LIG1: variants seen among roughly 807,000 people sequenced by gnomAD.
The protein encoded by LIG1 is ligase I, DNA, ATP-dependent.
A neutral mutation model predicts 115.7 loss-of-function variants in LIG1; 70 were observed. The observed-to-expected ratio is 0.60, with a 90% CI of 0.50 to 0.74. The LOEUF (loss-of-function observed/expected upper bound fraction) is 0.74, where lower values mean the gene tolerates loss of function less well. LIG1 is among the 30% of genes least tolerant of loss of function. LIG1 has a pLI of 0.00. For missense variants in LIG1, 1,115 were observed against 1,225.6 expected, an observed-to-expected ratio of 0.91 and a Z score of 1.35; for synonymous variants, 487 against 495.3, an observed-to-expected ratio of 0.98 and a Z score of 0.22.
At chr19:48,169,744 T>G (rs2036676454) in intron 1 of LIG1, 1 of 131,970 alleles carries the variant, frequency 7.6e-6, no homozygotes. Flanking sequence ...CACTTCCGGT[T>G]CCCAGCCAGC....
intron 4 of LIG1, chr19:48,161,039 G>C (rs1024330152): frequency 3.2e-5 from 12 of 378,640 alleles, no homozygotes; most frequent in African/African-American, 1.0e-4. Flanking sequence ...GCTGGGCCTT[G>C]AGCCCTTGTT....
Position 48,136,044 on chromosome 19 carries a change from G to A in LIG1, c.1413C>T (p.Pro471=), listed in dbSNP as rs1416982636. ...GCCACAGGAGCTCACCTTGGCCCGGGGGCGTGAGGCTCACTGCCTGGGAGA... is the reference window on the plus strand; with the variant it reads ...GCCACAGGAGCTCACCTTGGCCCGGAGGCGTGAGGCTCACTGCCTGGGAGA... ...AALSQAVSLT[P]PGQEFPPAMV... The change falls in exon 15 of 28, where the codon CCC becomes CCT. Residue 471 remains proline, a synonymous_variant. Coordinates refer to ENST00000263274, the MANE Select transcript of LIG1 (RefSeq NM_000234.3). 4 of 1,565,148 alleles carry A rather than the reference G, an allele frequency of 2.6e-6. No individual in the cohort carries two copies. In the African/African-American group the frequency reaches 4.1e-5, roughly 16 times the overall value.
chr19:48,124,329 G>A (rs1599748995), intron 21 of LIG1, among the ~76,000 whole-genome samples: 1 of 152,324 alleles, frequency 6.6e-6, no homozygotes, highest in Non-Finnish European at 1.5e-5. Context: ...ACCATTTCAG[G>A]TTTACATCCC....
intron 1 of LIG1, 55 bp from the exon 2 acceptor site, chr19:48,165,678 C>T (rs2036440604): frequency 4.0e-6 from 5 of 1,246,420 alleles, no homozygotes; most frequent in Non-Finnish European, 5.9e-6. Flanking sequence ...GAGATCTAAA[C>T]ACACATAAAA....
chr19:48,161,464 A>C lies in LIG1; in HGVS notation c.151T>G (p.Ser51Ala). Residue 51 changes from serine to alanine, a missense_variant, in exon 4 of 28, where the codon TCT becomes GCT. Physicochemically the swap from Ser to Ala is moderately conservative, Grantham distance 99. Coordinates refer to ENST00000263274, the MANE Select transcript of LIG1 (RefSeq NM_000234.3). ...TTCCTCCCTGGCCTCTTCACCGGAG[A>C]GTCACTCTCGGACACCACTCCATTC... ...EWNGVVSESD[S>A]PVKRPGRKAA... is the part of the protein sequence containing the mutation. 2 of 1,614,022 alleles carry C rather than the reference A, an allele frequency of 1.2e-6. No homozygotes were observed. The highest frequency in any genetic ancestry group is 1.7e-6 in the Non-Finnish European group (2 of 1,180,014).
intron 10 of LIG1, 120 bp downstream of exon 10, chr19:48,143,763 T>C (rs1175927384): frequency 5.5e-6 from 6 of 1,095,568 alleles, no homozygotes; most frequent in Non-Finnish European, 5.6e-6. Flanking sequence ...ATGCTGCTGA[T>C]TGTCGCCAAA....
chr19:48,151,233 G>A lies in LIG1; in HGVS notation c.573C>T (p.Ser191=). ...CGGAGGAGAGGACCAGAAACTCACT[G>A]GAGGTCTTTAGGGGCTTGGGAGGCG... ...PTTPPKPLKT[S]KAETPTESVS... The change falls in exon 7 of 28, where the codon TCC becomes TCT. Residue 191 remains serine (S), a splice_region_variant and synonymous_variant. Coordinates refer to ENST00000263274, the MANE Select transcript of LIG1 (RefSeq NM_000234.3). 1 of 1,607,032 alleles carries A rather than the reference G, an allele frequency of 6.2e-7. No homozygotes were observed. The highest frequency in any genetic ancestry group is 8.5e-7 in the Non-Finnish European group (1 of 1,173,632).
At chr19:48,146,919 C>T (rs1383379394) in intron 9 of LIG1, among the ~76,000 whole-genome samples, 5 of 152,316 alleles carry the variant, frequency 3.3e-5, no homozygotes, top group Admixed American at 2.6e-4. Context: ...CCGACCTAAC[C>T]TCTCTGGGCT....
intron 21 of LIG1, among the ~76,000 whole-genome samples, chr19:48,125,928 C>T (rs966452851): frequency 6.9e-6 from 1 of 143,948 alleles, no homozygotes; most frequent in Admixed American, 7.3e-5. Context: ...GCGGAGGTTG[C>T]AGTGAGCTGA....
intron 9 of LIG1, among the ~76,000 whole-genome samples, chr19:48,147,916 C>A (rs1599829499): frequency 6.6e-6 from 1 of 152,100 alleles, no homozygotes; most frequent in South Asian, 2.1e-4. Flanking sequence ...GGGAGCTAGG[C>A]AAGAAGACTA....
chr19:48,132,875 G>T, intron 18 of LIG1, 107 bp downstream of exon 18: 1 of 807,490 alleles, frequency 1.2e-6, no homozygotes, highest in South Asian at 1.3e-5. Context: ...GCGAGGGCTC[G>T]GCAGTCTGTG....
Position 48,122,876 on chromosome 19 carries a change from G to T in LIG1, c.2232+58C>A, listed in dbSNP as rs1406878254. 2.5e-5 allele frequency: 38 copies of T among 1,500,640 alleles called. No individual in the cohort carries two copies. The highest frequency in any genetic ancestry group is 2.6e-5 in the Non-Finnish European group (28 of 1,076,778). The allele number at this position is 1,500,640 out of a possible 1,614,324, so 93.0% of individuals were successfully genotyped here. ...GTGGAGGCTCGAAATCCACTGCCTA[G>T]CTGGGACAGACCTCCAGACCCGGGG... On this transcript the variant is annotated intron_variant, in intron 23 of 27. Coordinates refer to ENST00000263274, the MANE Select transcript of LIG1 (RefSeq NM_000234.3). The surrounding 1 kb of genome is among the most constrained non-coding windows in gnomAD (Gnocchi z 4.3).
At chr19:48,120,951 A>G (rs759501420) in intron 24 of LIG1, 18 of 1,419,816 alleles carry the variant, frequency 1.3e-5, no homozygotes, top group Non-Finnish European at 1.6e-5. Flanking sequence ...TCAATCTCTC[A>G]CTGACACACA....
Position 48,137,395 on chromosome 19 carries a change from C to T in LIG1, c.1254+127G>A. ...TGGGTGCAGGAAGGAGGAGAGGAAG[C>T]TGTGCACCCCATGAGAAGGACTGAT... On this transcript the variant is annotated intron_variant, in intron 13 of 27. Coordinates refer to ENST00000263274, the MANE Select transcript of LIG1 (RefSeq NM_000234.3). This position sits in a 1 kb window ranked among gnomAD's most constrained non-coding sequence, Gnocchi z 4.3. 1 of 1,211,394 alleles carries T rather than the reference C, an allele frequency of 8.3e-7. No individual in the cohort carries two copies. The highest frequency in any genetic ancestry group is 1.2e-6 in the Non-Finnish European group (1 of 855,496). The allele number at this position is 1,211,394 out of a possible 1,614,324, so 75.0% of individuals were successfully genotyped here.
chr19:48,158,052 A>G (rs1481998344), intron 4 of LIG1, among the ~76,000 whole-genome samples: 2 of 152,032 alleles, frequency 1.3e-5, no homozygotes, highest in Admixed American at 1.3e-4. Context: ...CTCTCTTGCC[A>G]TGTGACACAC....
At chr19:48,167,634 G>A (rs2123099909) in intron 1 of LIG1, among the ~76,000 whole-genome samples, 1 of 152,102 alleles carries the variant, frequency 6.6e-6, no homozygotes, top group Admixed American at 6.6e-5. Context: ...AGACCAGCCT[G>A]GCCCGCATGG....
rs187707579 is a variant in LIG1 at position 48,169,163 on chromosome 19, T to C, written c.-58+1078A>G. ...CATAACAATCTCCGAATGACAAAACTAGAGATGGTGAACACATTAGCGGTT... is the reference window on the plus strand; with the variant it reads ...CATAACAATCTCCGAATGACAAAACCAGAGATGGTGAACACATTAGCGGTT... On this transcript the variant is annotated intron_variant, in intron 1 of 27. Transcript: ENST00000263274. 4.6e-5 allele frequency among the ~76,000 whole-genome samples: 7 copies of C among 152,214 alleles called. No homozygotes were observed. In the East Asian group the frequency reaches 1.4e-3, roughly 29 times the overall value.
chr19:48,135,593 GC>G, intron 16 of LIG1, 86 bp downstream of exon 16: 1 of 1,028,922 alleles, frequency 9.7e-7, no homozygotes, highest in Non-Finnish European at 1.5e-6. Flanking sequence ...CACTTCACTG[GC>G]CCCACCCACT....
At chr19:48,131,320 T>G in intron 18 of LIG1, 149 bp from the exon 19 acceptor site, 1 of 660,794 alleles carries the variant, frequency 1.5e-6, no homozygotes, top group East Asian at 2.7e-5. Flanking sequence ...ATCTCCTCAG[T>G]TCCAACAGCA....
Sources: gnomAD v4.1 joint callset for allele counts (sites outside exome capture counted in the v4.1 genomes callset) on GRCh38, gnomAD v4.1.1 for gene constraint, Gnocchi (gnomAD v3.1) non-coding constraint, MANE v1.5 for transcripts, NCBI Gene and HGNC (gene_info 2026-07-23, HGNC 2026-07-21) for gene names.